DIP2B: variants seen among roughly 807,000 people sequenced by gnomAD.
The protein encoded by DIP2B is DIP2 acetate--CoA ligase B (putative).
Under a neutral mutation model 198.0 loss-of-function variants are expected in DIP2B, and 76 were observed. That is an observed-to-expected ratio of 0.38 (90% CI 0.32 to 0.46). The LOEUF is 0.46. Ranked by LOEUF, DIP2B falls within the 20% of genes least tolerant of loss-of-function variation. DIP2B has a pLI of 0.99. For missense variants in DIP2B, 1,559 were observed against 1,978.4 expected (o/e 0.79, Z 4.02); for synonymous variants, 701 against 739.1 (o/e 0.95, Z 0.84).
chr12:50,711,655 G>T (rs562322583), intron 22 of DIP2B, among the ~76,000 whole-genome samples: 1 of 152,256 alleles, frequency 6.6e-6, no homozygotes, highest in Non-Finnish European at 1.5e-5. Context: ...TCCACCTCCC[G>T]GTTTCAAGCA....
chr12:50,554,470 C>T (rs1053519259), intron 1 of DIP2B, among the ~76,000 whole-genome samples: 3 of 152,072 alleles, frequency 2.0e-5, no homozygotes, highest in Non-Finnish European at 2.9e-5. Context: ...TGATATGTCT[C>T]TATACTCTTA....
chr12:50,745,079 C>T lies in DIP2B; in HGVS notation c.*240C>T, dbSNP rs1047912. On this transcript the variant is annotated 3_prime_UTR_variant, in exon 38 of 38. Transcript: ENST00000301180. ...TTGACATAGCGTGAGCAGCACATTA[C>T]TAAAGCAATTACATGCATGTTGCAT... is the stretch of plus-strand genomic sequence containing the variant. The T allele has an allele frequency of 0.24, 126,275 of 521,966 alleles. 16,634 individuals are homozygous for T. Among genetic ancestry groups the T allele is most frequent in the Non-Finnish European group, 0.28 (83,573 of 294,842 alleles). The allele number at this position is 521,966 out of a possible 1,614,324, so 32.3% of individuals were successfully genotyped here.
intron 4 of DIP2B, 131 bp downstream of exon 4, chr12:50,660,450 C>A: frequency 9.6e-7 from 1 of 1,040,992 alleles, no homozygotes; most frequent in Non-Finnish European, 1.3e-6. Flanking sequence ...AGAGAACACT[C>A]TGAGGTGGCA....
intron 4 of DIP2B, among the ~76,000 whole-genome samples, chr12:50,665,749 C>A (rs1418210415): frequency 6.6e-6 from 1 of 150,724 alleles, no homozygotes; most frequent in African/African-American, 2.5e-5. Context: ...GTACTCCAGC[C>A]TGGGTGACAG....
chr12:50,709,315 T>C (rs1939570192), intron 22 of DIP2B, among the ~76,000 whole-genome samples: 1 of 152,188 alleles, frequency 6.6e-6, no homozygotes, highest in Non-Finnish European at 1.5e-5. Context: ...ATTATCCATC[T>C]TTACCAAAAG....
chr12:50,737,514 C>CA lies in DIP2B; in HGVS notation c.4176+410dup, dbSNP rs1305071608. The stretch of plus-strand genomic sequence containing the variant: ...AAAAATTCTAGGCCCAGCCCTTTAA[C>CA]AAAAAATATTTATATATAAATACAT... On this transcript the variant is annotated intron_variant, in intron 35 of 37. Coordinates refer to ENST00000301180, the MANE Select transcript of DIP2B (RefSeq NM_173602.3). Among the ~76,000 whole-genome samples, 5 of 151,792 alleles carry CA rather than the reference C, an allele frequency of 3.3e-5. No individual in the cohort carries two copies. The East Asian group carries it at 7.7e-4, about 24-fold the overall frequency.
At chr12:50,642,788 C>CA (rs889643653) in intron 3 of DIP2B, among the ~76,000 whole-genome samples, 37 of 149,344 alleles carry the variant, frequency 2.5e-4, no homozygotes, top group East Asian at 7.9e-4. Flanking sequence ...GACTCTGTCT[C>CA]AAAAAAAAAC....
Position 50,732,481 on chromosome 12 carries a change from C to T in DIP2B, c.3926C>T (p.Pro1309Leu), listed in dbSNP as rs751901000. ...CTCTTCAAAGACATCGGGCTGTCCC[C>T]GCGGGCTGTCAGCACCACTTTTGGA... is the stretch of plus-strand genomic sequence containing the variant. Reference protein sequence around the residue: ...SKLFKDIGLSPRAVSTTFGSR... With the variant: ...SKLFKDIGLSLRAVSTTFGSR... The change falls in exon 32 of 38, where the codon CCG becomes CTG. Residue 1309 changes from proline to leucine, a missense_variant. Pro to Leu is a moderately conservative substitution (Grantham distance 98, BLOSUM62 -3). Transcript: ENST00000301180. The T allele has an allele frequency of 7.4e-6, 12 of 1,614,204 alleles. No individual in the cohort carries two copies. Among genetic ancestry groups the T allele is most frequent in the Middle Eastern group, 1.6e-4 (1 of 6,062 alleles).
At chr12:50,690,962 T>C in intron 12 of DIP2B, 87 bp from the exon 13 acceptor site, 1 of 1,139,314 alleles carries the variant, frequency 8.8e-7, no homozygotes. Context: ...ATGATGGTTT[T>C]TCTGGGTTTT....
At chr12:50,603,795 C>T (rs1014694552) in intron 1 of DIP2B, among the ~76,000 whole-genome samples, 1 of 152,058 alleles carries the variant, frequency 6.6e-6, no homozygotes, top group African/African-American at 2.4e-5. Context: ...TGACTTGGCC[C>T]ACCATTTTAT....
At chr12:50,570,809 G>A (rs1350472819) in intron 1 of DIP2B, among the ~76,000 whole-genome samples, 1 of 152,128 alleles carries the variant, frequency 6.6e-6, no homozygotes, top group Admixed American at 6.5e-5. Flanking sequence ...AATACTTCAG[G>A]TTACTTGAAG....
intron 3 of DIP2B, among the ~76,000 whole-genome samples, chr12:50,653,725 CT>C (rs1483888851): frequency 6.6e-6 from 1 of 151,902 alleles, no homozygotes; most frequent in Non-Finnish European, 1.5e-5. Context: ...TTATTTGAAT[CT>C]TCTTTTTTTT....
chr12:50,655,402 C>G (rs1045735256), intron 3 of DIP2B, among the ~76,000 whole-genome samples: 1 of 152,146 alleles, frequency 6.6e-6, no homozygotes, highest in African/African-American at 2.4e-5. Flanking sequence ...AGTGATTGTT[C>G]GGGTAGTAAT....
chr12:50,613,695 A>G (rs1003655908), intron 1 of DIP2B, among the ~76,000 whole-genome samples: 6 of 152,192 alleles, frequency 3.9e-5, no homozygotes, highest in African/African-American at 9.7e-5. Context: ...TTCCACACCC[A>G]TAAAGCACTC....
intron 1 of DIP2B, among the ~76,000 whole-genome samples, chr12:50,530,201 C>T (rs926951434): frequency 6.6e-5 from 10 of 152,070 alleles, no homozygotes; most frequent in South Asian, 2.1e-4. Flanking sequence ...TTCAGCCTCC[C>T]GAGGAGCTGG....
intron 22 of DIP2B, among the ~76,000 whole-genome samples, chr12:50,711,823 G>C (rs1939621678): frequency 6.6e-6 from 1 of 152,186 alleles, no homozygotes; most frequent in African/African-American, 2.4e-5. Flanking sequence ...GCCTCCCAAA[G>C]TGCTGGGATT....
At chr12:50,533,860 G>T (rs1958240516) in intron 1 of DIP2B, among the ~76,000 whole-genome samples, 1 of 152,090 alleles carries the variant, frequency 6.6e-6, no homozygotes, top group Non-Finnish European at 1.5e-5. Context: ...AAAGTGCTGG[G>T]ATTATAGGAG....
At chr12:50,585,419 G>T (rs992694273) in intron 1 of DIP2B, among the ~76,000 whole-genome samples, 2 of 152,194 alleles carry the variant, frequency 1.3e-5, no homozygotes, top group African/African-American at 2.4e-5. Context: ...GGAATTGAGG[G>T]GTAGCTGCTC....
chr12:50,710,910 G>A (rs1939603636), intron 22 of DIP2B, among the ~76,000 whole-genome samples: 2 of 152,192 alleles, frequency 1.3e-5, no homozygotes, highest in East Asian at 3.8e-4. Flanking sequence ...AGGGGCAGAC[G>A]TGCAAAGAGA....
Sources: allele counts gnomAD v4.1 joint callset (sites outside exome capture counted in the v4.1 genomes callset), GRCh38; gene constraint gnomAD v4.1.1; transcripts MANE v1.5; gene names NCBI Gene and HGNC (gene_info 2026-07-23, HGNC 2026-07-21).